Variants in UNC5C observed in about 807,000 individuals in gnomAD.
UNC5C encodes netrin receptor UNC5C.
In UNC5C, 47 loss-of-function variants were observed where a neutral mutation model predicts 99.8. The ratio of observed to expected loss-of-function variants is 0.47; its 90% confidence interval spans 0.37 to 0.60. The LOEUF is 0.60. UNC5C is among the 20% of genes least tolerant of loss of function. The pLI is 0.00. For synonymous variants in UNC5C, 487 were observed against 452.2 expected, an observed-to-expected ratio of 1.08 and a Z score of -0.98; for missense variants, 1,062 against 1,165.9, an observed-to-expected ratio of 0.91 and a Z score of 1.30.
At chr4:95,192,199 C>T (rs1280708497) in intron 12 of UNC5C, among the ~76,000 whole-genome samples, 1 of 145,338 alleles carries the variant, frequency 6.9e-6, no homozygotes, top group Non-Finnish European at 1.5e-5. Context: ...TCATATCCTC[C>T]TCTACTCACC....
At chr4:95,477,441 A>C (rs184494527) in intron 1 of UNC5C, among the ~76,000 whole-genome samples, 119 of 152,162 alleles carry the variant, frequency 7.8e-4, no homozygotes, top group African/African-American at 2.8e-3. Context: ...TGTGGACTGG[A>C]GAAAGGGCCA....
At chr4:95,445,025 G>A (rs1402136360) in intron 1 of UNC5C, among the ~76,000 whole-genome samples, 2 of 152,080 alleles carry the variant, frequency 1.3e-5, no homozygotes, top group East Asian at 1.9e-4. Context: ...TCTTGAGTGC[G>A]TCATTTCAGA....
intron 1 of UNC5C, among the ~76,000 whole-genome samples, chr4:95,378,819 A>G (rs946749247): frequency 3.9e-5 from 6 of 152,284 alleles, no homozygotes; most frequent in Middle Eastern, 3.4e-3. Context: ...ATTTAGGGTT[A>G]TTTAAAGTTG....
intron 1 of UNC5C, among the ~76,000 whole-genome samples, chr4:95,547,722 G>A (rs1723109570): frequency 6.6e-6 from 1 of 152,228 alleles, no homozygotes; most frequent in South Asian, 2.1e-4. Context: ...CCCCGGAGGG[G>A]ACAGCCTTGG....
intron 1 of UNC5C, among the ~76,000 whole-genome samples, chr4:95,429,824 A>C (rs961815303): frequency 6.6e-6 from 1 of 152,106 alleles, no homozygotes; most frequent in East Asian, 1.9e-4. Context: ...AGCATTGAAA[A>C]ACTCAGAGCA....
intron 12 of UNC5C, among the ~76,000 whole-genome samples, 153 bp from the exon 13 acceptor site, chr4:95,185,349 TAACTA>T (rs562998977): frequency 4.6e-4 from 70 of 152,254 alleles, no homozygotes; most frequent in Admixed American, 1.6e-3. Flanking sequence ...CGAGACCCTC[TAACTA>T]AACTAACTAA....
intron 12 of UNC5C, among the ~76,000 whole-genome samples, chr4:95,193,644 C>CT (rs1340113430): frequency 6.6e-6 from 1 of 152,212 alleles, no homozygotes; most frequent in African/African-American, 2.4e-5. Flanking sequence ...AAATCTGTGC[C>CT]TTTGCGATGG....
intron 1 of UNC5C, among the ~76,000 whole-genome samples, chr4:95,428,756 C>T (rs1365560621): frequency 6.6e-6 from 1 of 152,144 alleles, no homozygotes; most frequent in Middle Eastern, 3.2e-3. Context: ...AAGAACTGAG[C>T]AGACTACTTT....
intron 1 of UNC5C, among the ~76,000 whole-genome samples, chr4:95,445,860 G>A (rs1268531449): frequency 6.6e-6 from 1 of 152,094 alleles, no homozygotes; most frequent in African/African-American, 2.4e-5. Flanking sequence ...TGGAGCGGAG[G>A]AGAGGGAAAG....
chr4:95,318,520 G>A (rs1742562821), intron 2 of UNC5C, among the ~76,000 whole-genome samples: 1 of 152,170 alleles, frequency 6.6e-6, no homozygotes, highest in African/African-American at 2.4e-5. Flanking sequence ...GAGCAAAAAG[G>A]TGAGAAAAAA....
At chr4:95,383,412 T>C (rs772653118) in intron 1 of UNC5C, among the ~76,000 whole-genome samples, 15 of 152,254 alleles carry the variant, frequency 9.9e-5, no homozygotes, top group Non-Finnish European at 2.1e-4. Context: ...ACACATACGA[T>C]ATACTGGGAA....
chr4:95,415,207 G>T (rs1746126654), intron 1 of UNC5C, among the ~76,000 whole-genome samples: 1 of 152,050 alleles, frequency 6.6e-6, no homozygotes, highest in African/African-American at 2.4e-5. Context: ...AGTTTCATTT[G>T]CCATTAATAT....
chr4:95,184,046 CAG>C (rs941592537), intron 13 of UNC5C, among the ~76,000 whole-genome samples: 2 of 152,016 alleles, frequency 1.3e-5, no homozygotes, highest in East Asian at 1.9e-4. Flanking sequence ...ACTCCTAAAA[CAG>C]GGAGATTTAT....
chr4:95,252,900 T>G (rs1028408820), intron 4 of UNC5C, among the ~76,000 whole-genome samples: 11 of 152,210 alleles, frequency 7.2e-5, no homozygotes, highest in African/African-American at 2.7e-4. Context: ...CAAACTTTGT[T>G]TCAGGCACAA....
At position 95,301,473 on chromosome 4, in the gene UNC5C, G is replaced by A. The variant is rs942283048; in HGVS notation, c.490+133C>T. 7 of 1,237,792 alleles carry A rather than the reference G, an allele frequency of 5.7e-6. No homozygotes were observed. In the African/African-American group the frequency reaches 1.1e-4, roughly 19 times the overall value. 76.7% of individuals were successfully genotyped at this position (1,237,792 alleles called of 1,614,324 possible). On this transcript the variant is annotated intron_variant, in intron 3 of 15. Coordinates refer to ENST00000453304, the MANE Select transcript of UNC5C (RefSeq NM_003728.4). ...GCCTCCCAAAGTGCTGGGATTACAGGCGTGAGTCACCGCGCCTGGCCTTTC... is the reference window on the plus strand; with the variant it reads ...GCCTCCCAAAGTGCTGGGATTACAGACGTGAGTCACCGCGCCTGGCCTTTC...
intron 1 of UNC5C, among the ~76,000 whole-genome samples, chr4:95,485,411 T>C (rs1021474365): frequency 6.6e-6 from 1 of 151,932 alleles, no homozygotes; most frequent in Admixed American, 6.6e-5. Flanking sequence ...CTGTAAGAAC[T>C]TGTTGTAGGC....
intron 1 of UNC5C, among the ~76,000 whole-genome samples, chr4:95,383,598 A>G (rs1745132583): frequency 1.3e-5 from 2 of 152,340 alleles, no homozygotes; most frequent in South Asian, 2.1e-4. Flanking sequence ...GCATGTATGT[A>G]TAAATACCCA....
intron 1 of UNC5C, among the ~76,000 whole-genome samples, chr4:95,345,921 A>T (rs1743753370): frequency 6.6e-6 from 1 of 151,938 alleles, no homozygotes; most frequent in Non-Finnish European, 1.5e-5. Flanking sequence ...CAAACAAACA[A>T]CCTAAACATT....
chr4:95,228,649 A>G lies in UNC5C; in HGVS notation c.1109-8473T>C, dbSNP rs1579249159. 3.9e-5 allele frequency among the ~76,000 whole-genome samples: 6 copies of G among 152,310 alleles called. No homozygotes were observed. The South Asian group carries it at 1.2e-3, about 32-fold the overall frequency. On this transcript the variant is annotated intron_variant, in intron 7 of 15. Transcript: ENST00000453304. ...ACCTCCACCGTCCTTCTTAAGTACT[A>G]TGTGAGCAATAATTAGTAGATTCGA...
Sources: allele counts gnomAD v4.1 joint callset (sites outside exome capture counted in the v4.1 genomes callset), GRCh38; gene constraint gnomAD v4.1.1; transcripts MANE v1.5; gene names NCBI Gene and HGNC (gene_info 2026-07-23, HGNC 2026-07-21).